The following TSNARE1 variants were observed in gnomAD, a reference collection of about 807,000 sequenced individuals.
The protein encoded by TSNARE1 is t-SNARE domain containing 1, also known as t-SNARE domain-containing protein 1.
Under a neutral mutation model 62.0 loss-of-function variants are expected in TSNARE1, and 49 were observed. That is an observed-to-expected ratio of 0.79 (90% CI 0.63 to 1.00). The LOEUF is 1.00. Among genes scored for constraint, TSNARE1 ranks in the 50% least tolerant of loss-of-function variants. TSNARE1 has a pLI of 0.00. For synonymous variants in TSNARE1, 328 were observed against 294.4 expected, an observed-to-expected ratio of 1.11 and a Z score of -1.17; for missense variants, 755 against 700.1, an observed-to-expected ratio of 1.08 and a Z score of -0.88.
chr8:142,237,838 T>C (rs1279964947), intron 12 of TSNARE1, among the ~76,000 whole-genome samples: 1 of 152,116 alleles, frequency 6.6e-6, no homozygotes, highest in Non-Finnish European at 1.5e-5. Context: ...TGCTCGTGAG[T>C]CCTGTCCACC....
chr8:142,290,248 G>A (rs776956022), intron 10 of TSNARE1, among the ~76,000 whole-genome samples: 1 of 152,152 alleles, frequency 6.6e-6, no homozygotes, highest in African/African-American at 2.4e-5. Flanking sequence ...GACTGCCCCG[G>A]ATGGAGCCCT....
At chr8:142,222,299 T>TTCACTCACTCACTCATCCACTCATTCAC (rs1816347199) in intron 13 of TSNARE1, among the ~76,000 whole-genome samples, 2 of 20,214 alleles carry the variant, frequency 9.9e-5, no homozygotes, top group East Asian at 1.7e-3. Context: ...CTCTCACTCA[T>TTCACTCACTCACTCATCCACTCATTCAC]TCACTCACTC....
chr8:142,276,957 C>A (rs76873068), intron 11 of TSNARE1: 5 of 985,344 alleles, frequency 5.1e-6, no homozygotes, highest in Admixed American at 6.1e-5. Flanking sequence ...TGCCCCGGCG[C>A]AGTGCACAGA....
intron 12 of TSNARE1, chr8:142,273,383 A>G (rs1819918017): frequency 1.0e-6 from 1 of 985,152 alleles, no homozygotes; most frequent in African/African-American, 1.7e-5. Flanking sequence ...ACCAGGCGTC[A>G]CCTTCTGCCC....
chr8:142,328,340 T>C (rs1459698012), intron 6 of TSNARE1, among the ~76,000 whole-genome samples: 2 of 152,222 alleles, frequency 1.3e-5, no homozygotes, highest in African/African-American at 4.8e-5. Context: ...ACAGCCTACG[T>C]GCCCTCCTTA....
At chr8:142,223,175 T>TTCATTCACTCACTCGTACTC (rs879809176) in intron 13 of TSNARE1, among the ~76,000 whole-genome samples, 1 of 33,520 alleles carries the variant, frequency 3.0e-5, no homozygotes, top group Non-Finnish European at 5.5e-5. Context: ...CTCACTCAAG[T>TTCATTCACTCACTCGTACTC]ATTCACTCAT....
intron 13 of TSNARE1, among the ~76,000 whole-genome samples, chr8:142,227,697 C>G (rs1046781619): frequency 6.6e-6 from 1 of 152,264 alleles, no homozygotes; most frequent in Non-Finnish European, 1.5e-5. Flanking sequence ...GACGAGCTGA[C>G]TGGGGAGACC....
rs189329557 is a variant in TSNARE1 at position 142,309,962 on chromosome 8, T to C, written c.1131+4422A>G. ...CAGATTTTCTGTACCTCTTGGTAAA[T>C]TGTTTTCTAAAAAAAAAGTCTCCTC... is the stretch of plus-strand genomic sequence containing the variant. On this transcript the variant is annotated intron_variant, in intron 9 of 13. Transcript: ENST00000524325. 3.4e-4 allele frequency among the ~76,000 whole-genome samples: 50 copies of C among 145,442 alleles called. 1 individual carries two copies. Among genetic ancestry groups the C allele is most frequent in the African/African-American group, 1.1e-3 (47 of 41,122 alleles).
intron 12 of TSNARE1, among the ~76,000 whole-genome samples, chr8:142,268,280 G>A (rs868445855): frequency 5.9e-5 from 9 of 152,236 alleles, no homozygotes; most frequent in Admixed American, 2.0e-4. Context: ...CAAAGGGCAC[G>A]TGTGCACTGT....
chr8:142,293,016 C>G (rs1824066501), intron 10 of TSNARE1, among the ~76,000 whole-genome samples: 2 of 152,158 alleles, frequency 1.3e-5, no homozygotes. Flanking sequence ...TTTCCTGCCC[C>G]AGAAAGCTCC....
intron 13 of TSNARE1, among the ~76,000 whole-genome samples, chr8:142,217,357 A>AG (rs1421836733): frequency 1.6e-4 from 21 of 134,514 alleles, no homozygotes; most frequent in African/African-American, 5.8e-4. Context: ...GAAAGAAAGA[A>AG]AGAAAGAAAG....
chr8:142,282,512 CGAGCAGAGGCGGGGTCAGTGTCTGCCAAT>C (rs1365676785), intron 11 of TSNARE1, among the ~76,000 whole-genome samples: 1 of 130,374 alleles, frequency 7.7e-6, no homozygotes, highest in Non-Finnish European at 1.7e-5. Context: ...TGTCTGCCAA[CGAGCAGAGGCGGGGTCAGTGTCTGCCAAT>C]GAGCAGAGGC....
chr8:142,278,350 T>C, intron 11 of TSNARE1: 1 of 985,368 alleles, frequency 1.0e-6, no homozygotes, highest in Non-Finnish European at 1.2e-6. Context: ...ACTGGGGGCG[T>C]TTGAGGCCAG....
intron 12 of TSNARE1, among the ~76,000 whole-genome samples, chr8:142,253,622 CTG>C (rs1818285850): frequency 6.6e-6 from 1 of 152,140 alleles, no homozygotes; most frequent in African/African-American, 2.4e-5. Flanking sequence ...CAGCTGGGCT[CTG>C]TGTTTGCCCC....
chr8:142,344,579 A>C, intron 3 of TSNARE1, 107 bp from the exon 4 acceptor site: 3 of 1,193,326 alleles, frequency 2.5e-6, no homozygotes, highest in Non-Finnish European at 3.4e-6. Flanking sequence ...GCTTCAGGAC[A>C]CGGCTGCCTG....
intron 4 of TSNARE1, among the ~76,000 whole-genome samples, chr8:142,336,568 G>A (rs750925551): frequency 5.9e-5 from 9 of 152,174 alleles, no homozygotes; most frequent in South Asian, 4.1e-4. Flanking sequence ...TTGAAAATAC[G>A]TGAAGCAAAA....
chr8:142,229,536 A>T lies in TSNARE1; in HGVS notation c.1490T>A (p.Val497Asp), dbSNP rs2130071348. 1 of 1,613,986 alleles carries T rather than the reference A, an allele frequency of 6.2e-7. No individual in the cohort carries two copies. Among genetic ancestry groups the T allele is most frequent in the South Asian group, 1.1e-5 (1 of 91,074 alleles). The change falls in exon 13 of 14, where the codon GTC becomes GAC. Residue 497 changes from valine to aspartate, a missense_variant. Transcript: ENST00000524325. ...KIKCCFLSAGVTALLVIIIII... is the reference protein window; with the variant it reads ...KIKCCFLSAGDTALLVIIIII... Reference sequence around the variant, plus strand: ...GATGATGATGACAAGCAGGGCAGTGACTCCAGCTGATAGGAAGCAGCACTT... The same window carrying T: ...GATGATGATGACAAGCAGGGCAGTGTCTCCAGCTGATAGGAAGCAGCACTT...
At chr8:142,327,386 G>A (rs902963205) in intron 6 of TSNARE1, among the ~76,000 whole-genome samples, 11 of 152,010 alleles carry the variant, frequency 7.2e-5, no homozygotes, top group South Asian at 2.1e-4. Context: ...TGTACCAGCC[G>A]GCGAATGGGT....
At chr8:142,228,649 T>A (rs1816947929) in intron 13 of TSNARE1, among the ~76,000 whole-genome samples, 1 of 152,184 alleles carries the variant, frequency 6.6e-6, no homozygotes, top group African/African-American at 2.4e-5. Context: ...CTTGCCCCAG[T>A]GGCTCTGAGT....
Sources: gnomAD v4.1 joint callset for allele counts (sites outside exome capture counted in the v4.1 genomes callset) on GRCh38, gnomAD v4.1.1 for gene constraint, MANE v1.5 for transcripts, NCBI Gene and HGNC (gene_info 2026-07-23, HGNC 2026-07-21) for gene names.